SNTG2: variants seen among roughly 807,000 people sequenced by gnomAD.
The protein encoded by SNTG2 is gamma-2-syntrophin.
In SNTG2, 74 loss-of-function variants were observed where a neutral mutation model predicts 70.9. The ratio of observed to expected loss-of-function variants is 1.04; its 90% CI spans 0.86 to 1.27. The LOEUF (loss-of-function observed/expected upper bound fraction) is 1.27. Among genes scored for constraint, SNTG2 ranks in the 50% most tolerant of loss-of-function variants. The pLI is 0.00. For missense variants in SNTG2, 717 were observed against 690.7 expected, an observed-to-expected ratio of 1.04 and a Z score of -0.43; for synonymous variants, 278 against 273.8, an observed-to-expected ratio of 1.02 and a Z score of -0.15.
In SNTG2 at chr2:1,083,646, G is replaced by C. The variant is rs558071831; in HGVS notation, c.201G>C (p.Gln67His). The C allele has an allele frequency of 4.8e-5, 77 of 1,613,750 alleles. No homozygotes were observed. The Admixed American group carries it at 5.5e-4, about 12-fold the overall frequency. ...QDVVCVGGSH[Q>H]GRNRRTVTLR... ...TTGTCTGTGTGGGCGGAAGCCACCAGGGCAGGAATGTAAGTGCCATCACTT... is the reference window on the plus strand; with the variant it reads ...TTGTCTGTGTGGGCGGAAGCCACCACGGCAGGAATGTAAGTGCCATCACTT... Residue 67 changes from glutamine to histidine, a missense_variant, in exon 2 of 17, where the codon CAG (glutamine) becomes CAC (histidine). By Grantham distance (24) the Gln-to-His change is conservative (BLOSUM62 0). Coordinates refer to ENST00000308624, the MANE Select transcript of SNTG2 (RefSeq NM_018968.4).
At chr2:1,282,950 C>A (rs978940305) in intron 14 of SNTG2, among the ~76,000 whole-genome samples, 6 of 152,160 alleles carry the variant, frequency 3.9e-5, no homozygotes, top group African/African-American at 1.2e-4. Flanking sequence ...AAATTAAGAT[C>A]AAAAATAGCC....
intron 1 of SNTG2, among the ~76,000 whole-genome samples, chr2:977,351 G>A (rs1660940507): frequency 6.6e-6 from 1 of 152,146 alleles, no homozygotes; most frequent in Non-Finnish European, 1.5e-5. Context: ...GGTGGTCCAG[G>A]GAGCAGCGTG....
chr2:1,004,816 A>G (rs2147991152), intron 1 of SNTG2, among the ~76,000 whole-genome samples: 1 of 152,338 alleles, frequency 6.6e-6, no homozygotes, highest in African/African-American at 2.4e-5. Flanking sequence ...TCTGGACTTT[A>G]CCCAAATGAA....
At chr2:1,029,930 T>TA (rs1417061859) in intron 1 of SNTG2, among the ~76,000 whole-genome samples, 1 of 152,204 alleles carries the variant, frequency 6.6e-6, no homozygotes, top group Non-Finnish European at 1.5e-5. Flanking sequence ...TTTCACATCT[T>TA]ACGTTCCTGT....
chr2:1,187,714 G>A (rs1211559338), intron 8 of SNTG2, among the ~76,000 whole-genome samples: 1 of 151,956 alleles, frequency 6.6e-6, no homozygotes, highest in East Asian at 1.9e-4. Context: ...AATCAGCTAG[G>A]GCAAGCAGAG....
intron 8 of SNTG2, among the ~76,000 whole-genome samples, chr2:1,183,831 G>A (rs1166423222): frequency 6.6e-6 from 1 of 151,982 alleles, no homozygotes; most frequent in Non-Finnish European, 1.5e-5. Context: ...TTCAAAAGAG[G>A]AAAGAAGTAA....
chr2:1,137,485 T>C, intron 4 of SNTG2, 137 bp from the exon 5 acceptor site: 1 of 818,632 alleles, frequency 1.2e-6, no homozygotes, highest in Non-Finnish European at 2.0e-6. Context: ...AACACACATC[T>C]GCTCACGTGG....
At position 967,894 on chromosome 2, in the gene SNTG2, T is replaced by A. The variant is rs141481853; in HGVS notation, c.72+16826T>A. The stretch of plus-strand genomic sequence containing the variant: ...AAATACAAAAATTAGCCAGGCATAG[T>A]GGCAGGCACCTGTAATCGCAGTTAC... On this transcript the variant is annotated intron_variant, in intron 1 of 16. Transcript: ENST00000308624. 2.2e-3 allele frequency among the ~76,000 whole-genome samples: 336 copies of A among 152,254 alleles called. 1 individual carries two copies. Among genetic ancestry groups the A allele is most frequent in the African/African-American group, 7.8e-3 (326 of 41,552 alleles).
chr2:1,281,231 GTGGTGTGGT>G (rs1295282022), intron 14 of SNTG2, among the ~76,000 whole-genome samples: 85 of 15,352 alleles, frequency 5.5e-3, no homozygotes, highest in South Asian at 0.011. Flanking sequence ...TTGTGTTTAT[GTGGTGTGGT>G]GTGTGGTGTG....
At chr2:1,278,920 ACGCGAATCACCCCTGTCAGTG>A (rs142252383) in intron 14 of SNTG2, among the ~76,000 whole-genome samples, 6 of 135,792 alleles carry the variant, frequency 4.4e-5, no homozygotes, top group East Asian at 2.2e-4. Flanking sequence ...TCCCCCCGGG[ACGCGAATCACCCCTGTCAGTG>A]CGCGAATCAC....
At chr2:974,564 G>A (rs1660850332) in intron 1 of SNTG2, among the ~76,000 whole-genome samples, 1 of 152,188 alleles carries the variant, frequency 6.6e-6, no homozygotes, top group Non-Finnish European at 1.5e-5. Context: ...TGGACCTGTC[G>A]AGGCTGCTGG....
intron 9 of SNTG2, chr2:1,210,589 G>A (rs1448449920): frequency 3.3e-5 from 5 of 152,130 alleles, no homozygotes; most frequent in African/African-American, 1.2e-4. Flanking sequence ...CATATAAAAG[G>A]AAACAGTAAT....
At chr2:1,341,942 C>T (rs1660119914) in intron 16 of SNTG2, among the ~76,000 whole-genome samples, 1 of 151,064 alleles carries the variant, frequency 6.6e-6, no homozygotes, top group African/African-American at 2.4e-5. Flanking sequence ...GACTCCTGGG[C>T]TCAAGCCATC....
At chr2:968,142 G>T (rs915614063) in intron 1 of SNTG2, among the ~76,000 whole-genome samples, 5 of 151,160 alleles carry the variant, frequency 3.3e-5, no homozygotes, top group African/African-American at 9.7e-5. Flanking sequence ...TATTTCAAGC[G>T]TTTTTTTTTA....
chr2:992,623 G>C (rs1159155870), intron 1 of SNTG2, among the ~76,000 whole-genome samples: 1 of 152,172 alleles, frequency 6.6e-6, no homozygotes, highest in Non-Finnish European at 1.5e-5. Flanking sequence ...CAATTTACAA[G>C]AGTGAGATTA....
intron 14 of SNTG2, among the ~76,000 whole-genome samples, chr2:1,290,824 T>C (rs1679961674): frequency 6.6e-6 from 1 of 152,210 alleles, no homozygotes; most frequent in Non-Finnish European, 1.5e-5. Context: ...CATCTTGTAA[T>C]GTCTCTGCTT....
chr2:952,275 C>G (rs537004352), intron 1 of SNTG2, among the ~76,000 whole-genome samples: 2 of 152,346 alleles, frequency 1.3e-5, no homozygotes, highest in South Asian at 4.1e-4. Flanking sequence ...TGTGGAATCA[C>G]AGGCTTTCCG....
chr2:1,181,758 A>G (rs542679785), intron 8 of SNTG2, among the ~76,000 whole-genome samples: 3 of 152,284 alleles, frequency 2.0e-5, no homozygotes, highest in South Asian at 2.1e-4. Flanking sequence ...TCTGCCTCCT[A>G]AAAGCTGAAG....
intron 1 of SNTG2, among the ~76,000 whole-genome samples, chr2:1,067,940 G>A (rs1663267332): frequency 6.6e-6 from 1 of 152,136 alleles, no homozygotes; most frequent in Non-Finnish European, 1.5e-5. Context: ...CCGGACCTCG[G>A]GAGTGGGGCT....
Sources: gnomAD v4.1 joint callset for allele counts (sites outside exome capture counted in the v4.1 genomes callset) on GRCh38, gnomAD v4.1.1 for gene constraint, MANE v1.5 for transcripts, NCBI Gene and HGNC (gene_info 2026-07-23, HGNC 2026-07-21) for gene names.